The following SPPL2B variants were observed in gnomAD, a reference collection of about 807,000 sequenced individuals.
SPPL2B encodes signal peptide peptidase like 2B.
In SPPL2B, 39 loss-of-function variants were observed where a neutral mutation model predicts 59.7. The observed-to-expected ratio is 0.65, with a 90% CI of 0.51 to 0.85. The LOEUF is 0.85. Among genes scored for constraint, SPPL2B ranks in the 40% least tolerant of loss-of-function variants. The probability of loss-of-function intolerance (pLI) is 0.00; values close to 1 mark genes in which losing one functional copy is unlikely to be tolerated. For missense variants in SPPL2B, 865 were observed against 849.0 expected (o/e 1.02, Z -0.23); for synonymous variants, 419 against 370.8 (o/e 1.13, Z -1.49).
Position 2,337,599 on chromosome 19 carries a change from C to T in SPPL2B, c.343C>T (p.Leu115=). Residue 115 remains leucine, a synonymous_variant, in exon 3 of 15, where the codon CTG becomes TTG. Transcript: ENST00000613503. ...RLAQGSGARG[L]LIVSRERLVP... ...GGCCCAGGGCAGCGGAGCACGCGGGCTGCTCATCGTCAGCAGGGAGAGGCT... is the reference window on the plus strand; with the variant it reads ...GGCCCAGGGCAGCGGAGCACGCGGGTTGCTCATCGTCAGCAGGGAGAGGCT... 1 of 1,592,826 alleles carries T rather than the reference C, an allele frequency of 6.3e-7. No individual in the cohort carries two copies. Among genetic ancestry groups the T allele is most frequent in the Non-Finnish European group, 8.6e-7 (1 of 1,168,180 alleles).
rs748227218 is a variant in SPPL2B at position 2,347,753 on chromosome 19, T to TTC, written c.1354+2430_1354+2431dup. Among the ~76,000 whole-genome samples, 2 of 32,188 alleles carry TTC rather than the reference T, an allele frequency of 6.2e-5. 1 individual carries two copies. The highest frequency in any genetic ancestry group is 1.2e-4 in the Non-Finnish European group (2 of 17,368). The allele number at this position is 32,188 out of a possible 152,430, so 21.1% of individuals were successfully genotyped here. A position where few individuals can be genotyped will look rare whatever the true frequency, so the allele number is the denominator to read the frequency against. On this transcript the variant is annotated intron_variant, in intron 13 of 14. Coordinates refer to ENST00000613503, the MANE Select transcript of SPPL2B (RefSeq NM_152988.3). ...ACGCGCTCTCATTCGCCTGATTCCG[T>TTC]TCTCTCTCCACACACACACACTCTC...
chr19:2,346,513 A>G (rs1969379929), intron 13 of SPPL2B, among the ~76,000 whole-genome samples: 1 of 152,136 alleles, frequency 6.6e-6, no homozygotes. Flanking sequence ...AGAAGAATGC[A>G]AAAATTAGCC....
chr19:2,338,288 A>T (rs1054035142), intron 3 of SPPL2B: 3 of 156,486 alleles, frequency 1.9e-5, no homozygotes, highest in Non-Finnish European at 2.8e-5. Context: ...GAGCCTGGCA[A>T]TCCACGGAGG....
Position 2,339,164 on chromosome 19 carries a change from C to A in SPPL2B, c.555C>A (p.Thr185=). The change falls in exon 5 of 15, where the codon ACC becomes ACA. Residue 185 remains threonine (T), a synonymous_variant. Transcript: ENST00000613503. ...TCATCTTCATCATGGCTGTGGGCACCGTCGCCATCGGCGGCTACTGGGCCG... is the reference window on the plus strand; with the variant it reads ...TCATCTTCATCATGGCTGTGGGCACAGTCGCCATCGGCGGCTACTGGGCCG... ...MVIIFIMAVG[T]VAIGGYWAGS... 1.2e-6 allele frequency: 2 copies of A among 1,603,294 alleles called. No homozygotes were observed. The highest frequency in any genetic ancestry group is 1.7e-6 in the Non-Finnish European group (2 of 1,175,140).
chr19:2,331,908 C>G (rs73520555), intron 1 of SPPL2B, among the ~76,000 whole-genome samples: 1 of 152,222 alleles, frequency 6.6e-6, no homozygotes, highest in East Asian at 1.9e-4. Context: ...TTTACAAACA[C>G]AGAAGGTGGG....
chr19:2,335,351 T>C (rs188693382), intron 2 of SPPL2B, among the ~76,000 whole-genome samples: 11 of 72,610 alleles, frequency 1.5e-4, no homozygotes, highest in Admixed American at 3.0e-4. Context: ...CACTGCATCC[T>C]TCAGGCCCCG....
intron 1 of SPPL2B, among the ~76,000 whole-genome samples, 154 bp from the exon 2 acceptor site, chr19:2,334,448 C>G (rs1417123292): frequency 1.3e-5 from 2 of 152,248 alleles, no homozygotes; most frequent in African/African-American, 2.4e-5. Flanking sequence ...ACGTCCCTGT[C>G]TGTCCTGTCG....
rs1395004984 is a variant in SPPL2B, at chr19:2,344,009, C to T, written c.1083C>T (p.Phe361=). ...LLLVLFLYDI[F]FVFITPFLTK... is the part of the protein sequence containing the mutation. ...TGGTGCTGTTCCTCTACGACATCTT[C>T]TTCGTGTTCATCACGCCCTTCCTGA... The change falls in exon 10 of 15, where the codon TTC becomes TTT. Residue 361 remains phenylalanine, a synonymous_variant. Coordinates refer to ENST00000613503, the MANE Select transcript of SPPL2B (RefSeq NM_152988.3). The T allele has an allele frequency of 3.2e-5, 50 of 1,548,360 alleles. No individual in the cohort carries two copies. Among genetic ancestry groups the T allele is most frequent in the Middle Eastern group, 4.6e-4 (2 of 4,392 alleles).
At chr19:2,335,628 C>A (rs1968551154) in intron 2 of SPPL2B, among the ~76,000 whole-genome samples, 1 of 150,148 alleles carries the variant, frequency 6.7e-6, no homozygotes, top group Non-Finnish European at 1.5e-5. Context: ...CCCACTGCAT[C>A]CTTCAGGCCC....
intron 14 of SPPL2B, 169 bp downstream of exon 14, chr19:2,351,763 ACGT>A: frequency 1.2e-6 from 1 of 819,152 alleles, no homozygotes; most frequent in Non-Finnish European, 1.8e-6. Context: ...CGGTGGAAGG[ACGT>A]GCGTGCAGCT....
rs1969929491 is a variant in SPPL2B, at chr19:2,351,612, C to T, written c.1515+18C>T. On this transcript the variant is annotated intron_variant, in intron 14 of 14. Coordinates refer to ENST00000613503, the MANE Select transcript of SPPL2B (RefSeq NM_152988.3). ...GCTTTGCGGTGAATACCAGTTTGCT[C>T]TGACTGTGAGAAATACTCGCCTAGT... 6.3e-7 allele frequency: 1 copy of T among 1,595,542 alleles called. No individual in the cohort carries two copies. The highest frequency in any genetic ancestry group is 1.3e-5 in the African/African-American group (1 of 74,594).
intron 8 of SPPL2B, chr19:2,341,783 G>A (rs569473931): frequency 2.4e-4 from 87 of 368,960 alleles, no homozygotes; most frequent in South Asian, 1.6e-3. Flanking sequence ...CAGGAAACTC[G>A]CTCCGTCACA....
chr19:2,339,889 CGCCG>C lies in SPPL2B; in HGVS notation c.667_670del (p.Pro223Ter), dbSNP rs1254226427. ...CAGGAGGACGAGGCGGTGGACGTGACGCCGGTGATGACCTGCGTGTTTGTGGTGA... is the reference window on the plus strand; with the variant it reads ...CAGGAGGACGAGGCGGTGGACGTGACGTGATGACCTGCGTGTTTGTGGTGA... On this transcript the variant is annotated frameshift_variant, in exon 6 of 15. Transcript: ENST00000613503. LOFTEE classifies it high-confidence loss of function. The C allele has an allele frequency of 6.3e-7, 1 of 1,591,266 alleles. No individual in the cohort carries two copies. Among genetic ancestry groups the C allele is most frequent in the Non-Finnish European group, 8.6e-7 (1 of 1,168,976 alleles).
At position 2,333,216 on chromosome 19, in the gene SPPL2B, G is replaced by T. The variant is rs1300757661; in HGVS notation, c.67-1386G>T. ...ACTAGACTCTGCTGGGAGGGGAGCA[G>T]GAGGAGGGTGGGGATGGCAGGTGCG... On this transcript the variant is annotated intron_variant, in intron 1 of 14. Transcript: ENST00000613503. 3.7e-5 allele frequency among the ~76,000 whole-genome samples: 5 copies of T among 133,756 alleles called. No homozygotes were observed. The Admixed American group carries it at 3.8e-4, about 10-fold the overall frequency. 87.7% of individuals were successfully genotyped at this position (133,756 alleles called of 152,430 possible). A position where few individuals can be genotyped will look rare whatever the true frequency, so the allele number is the denominator to read the frequency against.
intron 13 of SPPL2B, among the ~76,000 whole-genome samples, chr19:2,348,708 CCA>C (rs1235709568): frequency 8.9e-6 from 1 of 112,958 alleles, no homozygotes; most frequent in Non-Finnish European, 1.9e-5. Context: ...CGTTCTCTCT[CCA>C]CACACACTCA....
intron 3 of SPPL2B, chr19:2,337,968 G>A (rs1968755056): frequency 8.7e-6 from 2 of 228,614 alleles, no homozygotes; most frequent in Non-Finnish European, 1.7e-5. Flanking sequence ...CAGGTGGCCT[G>A]GCCCTGAGCT....
chr19:2,349,847 G>A lies in SPPL2B; in HGVS notation c.1355-1587G>A, dbSNP rs538775522. Among the ~76,000 whole-genome samples, 175 of 132,632 alleles carry A rather than the reference G, an allele frequency of 1.3e-3. 3 individuals carry two copies. Among genetic ancestry groups the A allele is most frequent in the Middle Eastern group, 5.5e-3 (1 of 182 alleles). 87.0% of individuals were successfully genotyped at this position (132,632 alleles called of 152,430 possible). ...GTTCTCTCTCTCCACACACACTCAC[G>A]CTCTCATTCGCTTGATTCCGTTCTC... On this transcript the variant is annotated intron_variant, in intron 13 of 14. Transcript: ENST00000613503.
intron 13 of SPPL2B, among the ~76,000 whole-genome samples, chr19:2,350,286 C>G (rs1969840948): frequency 6.7e-6 from 1 of 149,452 alleles, no homozygotes; most frequent in Admixed American, 6.7e-5. Flanking sequence ...TCTCTCTCCA[C>G]ACACTCACGC....
At position 2,351,490 on chromosome 19, in the gene SPPL2B, C is replaced by T. The variant is rs1391509448; in HGVS notation, c.1411C>T (p.Gln471Ter). The part of the protein sequence containing the change: ...FVALALMQRG[Q>*]PALLYLVPCT... ...GGCACTGGCCCTGATGCAGCGTGGC[C>T]AGCCCGCTCTCCTCTACCTGGTGCC... The change falls in exon 14 of 15, where the codon CAG becomes TAG. Residue 471 changes from glutamine (Q) to a stop codon, truncating the protein, a stop_gained. Transcript: ENST00000613503. LOFTEE classifies it high-confidence loss of function. 1.2e-6 allele frequency: 2 copies of T among 1,610,484 alleles called. No individual in the cohort carries two copies. The highest frequency in any genetic ancestry group is 2.2e-5 in the East Asian group (1 of 44,866).
Sources: allele counts gnomAD v4.1 joint callset (sites outside exome capture counted in the v4.1 genomes callset), GRCh38; gene constraint gnomAD v4.1.1; transcripts MANE v1.5; gene names NCBI Gene and HGNC (gene_info 2026-07-23, HGNC 2026-07-21).